The following LATS1 variants were observed in gnomAD, a reference collection of about 807,000 sequenced individuals.
LATS1 encodes the protein serine/threonine-protein kinase LATS1.
A neutral mutation model predicts 106.6 loss-of-function variants in LATS1; 25 were observed. That is an observed-to-expected ratio of 0.23 (90% CI 0.17 to 0.33). LATS1 has a LOEUF of 0.33. Among genes scored for constraint, LATS1 ranks in the 10% least tolerant of loss-of-function variants. The pLI, the probability that LATS1 is intolerant of heterozygous loss-of-function variation, is 1.00. For missense variants in LATS1, 1,040 were observed against 1,382.6 expected, an observed-to-expected ratio of 0.75 and a Z score of 3.93; for synonymous variants, 465 against 455.6, an observed-to-expected ratio of 1.02 and a Z score of -0.26.
intron 7 of LATS1, among the ~76,000 whole-genome samples, chr6:149,669,528 C>T (rs776561705): frequency 2.5e-4 from 38 of 151,740 alleles, no homozygotes; most frequent in African/African-American, 3.6e-4. Context: ...GGGAGGCCAA[C>T]GTGGGAGGAT....
chr6:149,677,996 G>A (rs1781811826), intron 5 of LATS1, among the ~76,000 whole-genome samples: 1 of 144,908 alleles, frequency 6.9e-6, no homozygotes, highest in Non-Finnish European at 1.5e-5. Flanking sequence ...CTCCAGCCTG[G>A]CAACAGACCA....
chr6:149,668,608 A>AT lies in LATS1; in HGVS notation c.2884-6371dup, dbSNP rs35989414. Among the ~76,000 whole-genome samples, 88 of 141,992 alleles carry AT rather than the reference A, an allele frequency of 6.2e-4. 1 individual carries two copies. In the South Asian group the frequency reaches 6.8e-3, roughly 11 times the overall value. 93.2% of individuals were successfully genotyped at this position (141,992 alleles called of 152,430 possible). On this transcript the variant is annotated intron_variant, in intron 7 of 7. Transcript: ENST00000543571. ...GTGCCACCATCCACCATGCCCAGCT[A>AT]TTTTTTTTTTTTTTTGGTAGAGACA... is the stretch of plus-strand genomic sequence containing the variant.
At chr6:149,674,978 G>C (rs1781636969) in intron 7 of LATS1, among the ~76,000 whole-genome samples, 1 of 151,984 alleles carries the variant, frequency 6.6e-6, no homozygotes, top group Non-Finnish European at 1.5e-5. Flanking sequence ...AGAATGATCA[G>C]GAGGCCGAGG....
chr6:149,716,509 C>A (rs904081228), intron 1 of LATS1: 42 of 151,760 alleles, frequency 2.8e-4, no homozygotes, highest in African/African-American at 1.0e-3. Flanking sequence ...AATAAAACAT[C>A]TAAAATAACC....
chr6:149,680,786 G>A lies in LATS1; in HGVS notation c.2011-329C>T, dbSNP rs564017736. 7.8e-3 allele frequency among the ~76,000 whole-genome samples: 1,123 copies of A among 144,204 alleles called. 13 individuals carry two copies. The highest frequency in any genetic ancestry group is 0.026 in the African/African-American group (1,031 of 39,166). The allele number at this position is 144,204 out of a possible 152,430, so 94.6% of individuals were successfully genotyped here. ...GGTTCTCAATGTGCAACAAACATCT[G>A]TTAACATGTTAACATGCATATTCAT... On this transcript the variant is annotated intron_variant, in intron 4 of 7. Transcript: ENST00000543571.
At chr6:149,671,007 T>C (rs1301089674) in intron 7 of LATS1, among the ~76,000 whole-genome samples, 1 of 151,918 alleles carries the variant, frequency 6.6e-6, no homozygotes, top group Admixed American at 6.6e-5. Context: ...CCACAGAGAT[T>C]TTCTCCTATG....
intron 4 of LATS1, among the ~76,000 whole-genome samples, chr6:149,681,073 A>C (rs980876962): frequency 1.3e-5 from 2 of 152,190 alleles, no homozygotes; most frequent in Non-Finnish European, 2.9e-5. Flanking sequence ...GTCTACCACT[A>C]ACACAAATTG....
At chr6:149,662,739 A>G (rs567484069) in intron 7 of LATS1, among the ~76,000 whole-genome samples, 1 of 152,112 alleles carries the variant, frequency 6.6e-6, no homozygotes, top group South Asian at 2.1e-4. Flanking sequence ...AGGTGGGAGG[A>G]CTGCTTGAAG....
Position 149,701,840 on chromosome 6 carries a change from C to A in LATS1, c.287G>T (p.Arg96Leu), listed in dbSNP as rs373625760. 6.2e-7 allele frequency: 1 copy of A among 1,614,096 alleles called. No individual in the cohort carries two copies. Among genetic ancestry groups the A allele is most frequent in the East Asian group, 2.2e-5 (1 of 44,884 alleles). Residue 96 changes from arginine (R) to leucine (L), a missense_variant, in exon 2 of 8, where the codon CGG becomes CTG. By Grantham distance (102) the Arg-to-Leu change is moderately radical. Transcript: ENST00000543571. Reference sequence around the variant, plus strand: ...TTGTGGATTAACTTCTGAAGTACTCCGAGAAGAATTTGTTTCATTTGCAAA... The same window carrying A: ...TTGTGGATTAACTTCTGAAGTACTCAGAGAAGAATTTGTTTCATTTGCAAA... ...LPFANETNSSRSTSEVNPQML... is the reference protein window; with the variant it reads ...LPFANETNSSLSTSEVNPQML...
At position 149,684,315 on chromosome 6, in the gene LATS1, T is replaced by C. The variant is rs1384261268; in HGVS notation, c.774A>G (p.Pro258=). Residue 258 remains proline, a synonymous_variant, in exon 4 of 8, where the codon CCA becomes CCG. Coordinates refer to ENST00000543571, the MANE Select transcript of LATS1 (RefSeq NM_004690.4). ...PPPPRGQTPP[P]RGTTPPPPSW... ...AAGGGGGAGGTGGAGTTGTACCTCTTGGAGGGGGAGTCTGGCCTCTTGGAG... is the reference window on the plus strand; with the variant it reads ...AAGGGGGAGGTGGAGTTGTACCTCTCGGAGGGGGAGTCTGGCCTCTTGGAG... 6.2e-7 allele frequency: 1 copy of C among 1,613,810 alleles called. No homozygotes were observed. Among genetic ancestry groups the C allele is most frequent in the Non-Finnish European group, 8.5e-7 (1 of 1,179,924 alleles).
chr6:149,668,585 GCCACCAT>G (rs776182528), intron 7 of LATS1, among the ~76,000 whole-genome samples: 114 of 149,954 alleles, frequency 7.6e-4, no homozygotes, highest in Admixed American at 1.3e-3. Context: ...ACAGGCATGT[GCCACCAT>G]CCACCATGCC....
Position 149,683,394 on chromosome 6 carries a change from G to A in LATS1, c.1695C>T (p.His565=), listed in dbSNP as rs376024708. The change falls in exon 4 of 8, where the codon CAC becomes CAT. Residue 565 remains histidine (H), a synonymous_variant. Coordinates refer to ENST00000543571, the MANE Select transcript of LATS1 (RefSeq NM_004690.4). ...PPPPYPKHLL[H]QNPSVPPYES... The stretch of plus-strand genomic sequence containing the variant: ...CGTATGGAGGAACAGATGGGTTTTG[G>A]TGCAGCAGATGTTTTGGGTAGGGTG... The A allele has an allele frequency of 1.4e-5, 23 of 1,614,054 alleles. No homozygotes were observed. The highest frequency in any genetic ancestry group is 1.8e-5 in the Non-Finnish European group (21 of 1,180,036).
At position 149,661,500 on chromosome 6, in the gene LATS1, G is replaced by A. The variant is rs767155823; in HGVS notation, c.*229C>T. The A allele has an allele frequency of 7.6e-4, 317 of 416,824 alleles. No homozygotes were observed. Among genetic ancestry groups the A allele is most frequent in the Middle Eastern group, 1.9e-3 (3 of 1,580 alleles). The allele number at this position is 416,824 out of a possible 1,614,324, so 25.8% of individuals were successfully genotyped here. A position where few individuals can be genotyped will look rare whatever the true frequency, so the allele number is the denominator to read the frequency against. ...TACCAAGAACTGACTATAATATTCA[G>A]TTCATAATTTACTTTCCTTATAACA... On this transcript the variant is annotated 3_prime_UTR_variant, in exon 8 of 8. Coordinates refer to ENST00000543571, the MANE Select transcript of LATS1 (RefSeq NM_004690.4).
intron 5 of LATS1, among the ~76,000 whole-genome samples, chr6:149,678,592 ATACT>A (rs1353925719): frequency 7.9e-5 from 12 of 152,216 alleles, no homozygotes; most frequent in Non-Finnish European, 1.2e-4. Context: ...GAGGCTAATA[ATACT>A]TACCTCAGAG....
At chr6:149,666,798 C>T (rs905430018) in intron 7 of LATS1, among the ~76,000 whole-genome samples, 3 of 151,760 alleles carry the variant, frequency 2.0e-5, no homozygotes, top group Non-Finnish European at 4.4e-5. Flanking sequence ...AAAAATTAGC[C>T]GGGCGTGGTG....
At chr6:149,682,185 T>C (rs1161536542) in intron 4 of LATS1, among the ~76,000 whole-genome samples, 1 of 152,028 alleles carries the variant, frequency 6.6e-6, no homozygotes, top group Non-Finnish European at 1.5e-5. Context: ...CAGATTAAAG[T>C]GTGTTTACTT....
chr6:149,711,972 CAGAG>C lies in LATS1; in HGVS notation c.-141+5873_-141+5876del, dbSNP rs372791778. Among the ~76,000 whole-genome samples the C allele has an allele frequency of 3.5e-4, 53 of 151,368 alleles. No homozygotes were observed. In the East Asian group the frequency reaches 8.9e-3, roughly 25 times the overall value. ...GATAGAGAGGAGACACAGTGAGTGA[CAGAG>C]AGAGAGAGAGTGCGCACACACGCAG... On this transcript the variant is annotated intron_variant, in intron 1 of 7. Transcript: ENST00000543571.
chr6:149,694,839 A>G (rs927966967), intron 3 of LATS1, among the ~76,000 whole-genome samples: 7 of 152,222 alleles, frequency 4.6e-5, no homozygotes, highest in South Asian at 4.1e-4. Context: ...AGTATTACCA[A>G]TCAAATAGAT....
intron 7 of LATS1, among the ~76,000 whole-genome samples, chr6:149,666,633 A>AG (rs1309548121): frequency 6.6e-6 from 1 of 150,496 alleles, no homozygotes; most frequent in Non-Finnish European, 1.5e-5. Context: ...CAAAAAAAAA[A>AG]AAAAGTAGCC....
Sources: gnomAD v4.1 joint callset for allele counts (sites outside exome capture counted in the v4.1 genomes callset) on GRCh38, gnomAD v4.1.1 for gene constraint, MANE v1.5 for transcripts, NCBI Gene and HGNC (gene_info 2026-07-23, HGNC 2026-07-21) for gene names.